The following ZFAT variants were observed in gnomAD, a reference collection of about 807,000 sequenced individuals.
ZFAT encodes the protein zinc finger protein ZFAT.
In ZFAT, 64 loss-of-function variants were observed where a neutral mutation model predicts 117.7. The observed-to-expected ratio is 0.54, with a 90% CI of 0.44 to 0.67. ZFAT has a LOEUF of 0.67. Ranked by LOEUF, ZFAT falls within the 30% of genes least tolerant of loss-of-function variation. The probability of loss-of-function intolerance (pLI) is 0.00; values close to 1 mark genes in which losing one functional copy is unlikely to be tolerated. For missense variants in ZFAT, 1,433 were observed against 1,584.5 expected (o/e 0.90, Z 1.62); for synonymous variants, 679 against 615.0 (o/e 1.10, Z -1.54).
chr8:134,747,660 A>G, the ZFAT span, among the ~76,000 whole-genome samples: 1 of 152,202 alleles, frequency 6.6e-6, no homozygotes, highest in Non-Finnish European at 1.5e-5. Context: ...GTGAAGAACA[A>G]ATTTAGGTAA....
At chr8:134,517,701 C>T (rs889762994) in intron 13 of ZFAT, among the ~76,000 whole-genome samples, 5 of 152,216 alleles carry the variant, frequency 3.3e-5, no homozygotes, top group South Asian at 2.1e-4. Context: ...ATCATGCCTC[C>T]GTTGTCTCCT....
chr8:134,589,509 A>C (rs1826294455), intron 8 of ZFAT, among the ~76,000 whole-genome samples: 1 of 152,250 alleles, frequency 6.6e-6, no homozygotes, highest in African/African-American at 2.4e-5. Context: ...CATAAAACAC[A>C]CAATACACTT....
rs71274891 is a variant in ZFAT at position 134,712,623 on chromosome 8, C to CTTTTT, written c.19+217_19+221dup. Among the ~76,000 whole-genome samples, 2 of 138,346 alleles carry CTTTTT rather than the reference C, an allele frequency of 1.4e-5. 1 individual carries two copies. Among genetic ancestry groups the CTTTTT allele is most frequent in the Non-Finnish European group, 3.1e-5 (2 of 65,118 alleles). 90.8% of individuals were successfully genotyped at this position (138,346 alleles called of 152,430 possible). A position where few individuals can be genotyped will look rare whatever the true frequency, so the allele number is the denominator to read the frequency against. ...TGCTCTCCCACTCGCTCCCGCCTTG[C>CTTTTT]TTTTTTTTTTTTTTTGCGGCGGGAT... On this transcript the variant is annotated intron_variant, in intron 1 of 15. Coordinates refer to ENST00000377838, the MANE Select transcript of ZFAT (RefSeq NM_020863.4).
intron 1 of ZFAT, among the ~76,000 whole-genome samples, chr8:134,700,713 G>T (rs1040954120): frequency 2.0e-5 from 3 of 152,162 alleles, no homozygotes; most frequent in Non-Finnish European, 2.9e-5. Context: ...GCCCCCTGCT[G>T]TATCCCCTTG....
intron 12 of ZFAT, among the ~76,000 whole-genome samples, chr8:134,530,163 A>C (rs559829908): frequency 6.6e-6 from 1 of 152,328 alleles, no homozygotes; most frequent in East Asian, 1.9e-4. Context: ...TTTAAAGGAG[A>C]CTGTAAAATC....
intron 13 of ZFAT, among the ~76,000 whole-genome samples, chr8:134,516,389 A>T (rs887306393): frequency 6.6e-6 from 1 of 152,200 alleles, no homozygotes; most frequent in Non-Finnish European, 1.5e-5. Flanking sequence ...GATCATTGCT[A>T]AACCCATGAC....
At chr8:134,699,845 C>T (rs1833964164) in intron 1 of ZFAT, among the ~76,000 whole-genome samples, 1 of 152,232 alleles carries the variant, frequency 6.6e-6, no homozygotes, top group Non-Finnish European at 1.5e-5. Context: ...AACGTGAGTG[C>T]TAGAGCTTCA....
intron 1 of ZFAT, among the ~76,000 whole-genome samples, chr8:134,669,610 C>T (rs1253782765): frequency 1.3e-5 from 2 of 152,140 alleles, no homozygotes; most frequent in East Asian, 1.9e-4. Flanking sequence ...AAGCACTAAA[C>T]ATAGAAAGGA....
intron 6 of ZFAT, 120 bp downstream of exon 6, chr8:134,601,356 GA>G (rs892595556): frequency 7.1e-7 from 1 of 1,408,104 alleles, no homozygotes; most frequent in African/African-American, 1.4e-5. Flanking sequence ...ATCTACAATG[GA>G]GGAGGATGGC....
At chr8:134,578,889 A>G (rs1825514082) in intron 10 of ZFAT, among the ~76,000 whole-genome samples, 1 of 152,232 alleles carries the variant, frequency 6.6e-6, no homozygotes, top group Admixed American at 6.5e-5. Context: ...ATTTCCCAAG[A>G]TGGGGTACAG....
intron 12 of ZFAT, among the ~76,000 whole-genome samples, chr8:134,527,742 G>C (rs868045789): frequency 3.9e-5 from 6 of 152,140 alleles, no homozygotes; most frequent in Non-Finnish European, 7.4e-5. Flanking sequence ...AAGAGCAAAA[G>C]GGAAAATGCA....
the ZFAT span, among the ~76,000 whole-genome samples, chr8:134,808,554 G>A: frequency 1.3e-5 from 2 of 152,188 alleles, no homozygotes; most frequent in Admixed American, 6.5e-5. Flanking sequence ...CTGTAAGATC[G>A]TAGCAAGAGT....
At position 134,593,100 on chromosome 8, in the gene ZFAT, C is replaced by T. The variant is rs898983785; in HGVS notation, c.2476-2745G>A. Among the ~76,000 whole-genome samples, 4 of 152,038 alleles carry T rather than the reference C, an allele frequency of 2.6e-5. 1 individual carries two copies. Among genetic ancestry groups the T allele is most frequent in the East Asian group, 1.9e-4 (1 of 5,164 alleles). On this transcript the variant is annotated intron_variant, in intron 7 of 15. Coordinates refer to ENST00000377838, the MANE Select transcript of ZFAT (RefSeq NM_020863.4). ...CTTGGGCGAGATGCCCCGGGTCAGG[C>T]GGGCATCCTGGAGGAGACCTCCACC...
At chr8:134,715,739 A>G (rs1449893810), upstream of ZFAT, among the ~76,000 whole-genome samples, 1 of 152,194 alleles carries the variant, frequency 6.6e-6, no homozygotes, top group African/African-American at 2.4e-5. Context: ...TGAAGCTAGT[A>G]TGTGAATTAA....
intron 1 of ZFAT, among the ~76,000 whole-genome samples, chr8:134,699,695 T>C (rs1362048735): frequency 6.6e-6 from 1 of 152,192 alleles, no homozygotes; most frequent in African/African-American, 2.4e-5. Flanking sequence ...CCTCCGTTTA[T>C]TTGTCTGTAA....
At position 134,610,629 on chromosome 8, in the gene ZFAT, T is replaced by C. The variant is rs761840489; in HGVS notation, c.475A>G (p.Lys159Glu). ...AGNESDLELEKKCKEDDREKA... is the reference protein window; with the variant it reads ...AGNESDLELEEKCKEDDREKA... ...TCCCGATCATCTTCCTTACACTTCT[T>C]TTCTAGTTCAAGGTCAGACTCGTTA... is the stretch of plus-strand genomic sequence containing the variant. Residue 159 changes from lysine (K) to glutamate (E), a missense_variant, in exon 4 of 16, where the codon AAG becomes GAG. Coordinates refer to ENST00000377838, the MANE Select transcript of ZFAT (RefSeq NM_020863.4). The C allele has an allele frequency of 1.5e-5, 24 of 1,614,056 alleles. No individual in the cohort carries two copies. Among genetic ancestry groups the C allele is most frequent in the Non-Finnish European group, 1.9e-5 (22 of 1,180,034 alleles).
In ZFAT at chr8:134,657,600, T is replaced by C; in HGVS notation, c.157A>G (p.Ser53Gly). 6.2e-7 allele frequency: 1 copy of C among 1,614,004 alleles called. No homozygotes were observed. Among genetic ancestry groups the C allele is most frequent in the Non-Finnish European group, 8.5e-7 (1 of 1,179,998 alleles). ...CTTGAGTTGGGGGGTTCAGGTGTAC[T>C]CAGAGGCCTAAGGGGAATAATAATC... ...DEIIIPLRPL[S>G]TPEPPNSSKT... The change falls in exon 2 of 16, where the codon AGT (serine) becomes GGT (glycine). Residue 53 changes from serine (S) to glycine (G), a missense_variant. Coordinates refer to ENST00000377838, the MANE Select transcript of ZFAT (RefSeq NM_020863.4).
chr8:134,504,555 G>C (rs1819250780), intron 15 of ZFAT, among the ~76,000 whole-genome samples: 1 of 152,108 alleles, frequency 6.6e-6, no homozygotes, highest in South Asian at 2.1e-4. Context: ...TAAATATCAA[G>C]GGGCAGGAAT....
the ZFAT span, among the ~76,000 whole-genome samples, chr8:134,814,034 C>G: frequency 6.6e-6 from 1 of 152,046 alleles, no homozygotes; most frequent in Non-Finnish European, 1.5e-5. Context: ...GAATAAAACA[C>G]ACGTGCCCAA....
Sources: gnomAD v4.1 joint callset for allele counts (sites outside exome capture counted in the v4.1 genomes callset) on GRCh38, gnomAD v4.1.1 for gene constraint, MANE v1.5 for transcripts, NCBI Gene and HGNC (gene_info 2026-07-23, HGNC 2026-07-21) for gene names.